AFG2A: variants seen among roughly 807,000 people sequenced by gnomAD.
The protein encoded by AFG2A is AAA ATPase AFG2A.
chr4:122,948,276 TGCCATTAACG>T, the AFG2A span, among the ~76,000 whole-genome samples: 1 of 151,954 alleles, frequency 6.6e-6, no homozygotes. Flanking sequence ...GCAAGTACTA[TGCCATTAACG>T]GGCTTGAGCA....
At chr4:123,103,151 A>G in the AFG2A span, among the ~76,000 whole-genome samples, 1 of 152,062 alleles carries the variant, frequency 6.6e-6, no homozygotes, top group African/African-American at 2.4e-5. Context: ...TTATTTATCC[A>G]AAGAGCAGCT....
the AFG2A span, among the ~76,000 whole-genome samples, chr4:123,102,509 CTA>C: frequency 6.6e-6 from 1 of 151,862 alleles, no homozygotes; most frequent in African/African-American, 2.4e-5. Context: ...ATACTTTTAA[CTA>C]TTTTTTAATG....
At chr4:123,209,803 C>T in the AFG2A span, among the ~76,000 whole-genome samples, 1 of 151,882 alleles carries the variant, frequency 6.6e-6, no homozygotes, top group Non-Finnish European at 1.5e-5. Context: ...ATATGTATTC[C>T]CTCTCCCTCC....
At chr4:123,311,597 A>T in the AFG2A span, among the ~76,000 whole-genome samples, 2 of 137,906 alleles carry the variant, frequency 1.5e-5, no homozygotes, top group African/African-American at 5.5e-5. Context: ...ACTGCACTCC[A>T]GCCTGGTGAC....
the AFG2A span, chr4:123,256,320 T>C: frequency 1.1e-6 from 1 of 924,832 alleles, no homozygotes; most frequent in Non-Finnish European, 1.6e-6. Flanking sequence ...GTACATGACA[T>C]AGTCACTAAG....
At chr4:123,247,427 A>C in the AFG2A span, among the ~76,000 whole-genome samples, 1 of 151,936 alleles carries the variant, frequency 6.6e-6, no homozygotes, top group Non-Finnish European at 1.5e-5. Context: ...TTTAAGGGTA[A>C]TTGATCTTTT....
chr4:123,000,477 C>A, the AFG2A span, among the ~76,000 whole-genome samples: 451 of 151,494 alleles, frequency 3.0e-3, 2 homozygotes, highest in African/African-American at 9.9e-3. Context: ...GAGATACGTC[C>A]CATCAATACC....
chr4:123,101,337 G>A, the AFG2A span, among the ~76,000 whole-genome samples: 2 of 151,826 alleles, frequency 1.3e-5, no homozygotes, highest in Non-Finnish European at 2.9e-5. Context: ...AATACTATCT[G>A]GGTAAAGAAA....
At chr4:123,194,016 A>G in the AFG2A span, among the ~76,000 whole-genome samples, 20 of 152,338 alleles carry the variant, frequency 1.3e-4, no homozygotes, top group African/African-American at 3.1e-4. Flanking sequence ...GTAATAAGGA[A>G]CATGTTCTTC....
the AFG2A span, among the ~76,000 whole-genome samples, chr4:123,160,550 G>A: frequency 2.6e-5 from 4 of 152,054 alleles, no homozygotes; most frequent in Non-Finnish European, 5.9e-5. Flanking sequence ...TCTCATCTCT[G>A]CCTGTGTTTT....
At chr4:123,075,196 A>G in the AFG2A span, among the ~76,000 whole-genome samples, 2 of 151,812 alleles carry the variant, frequency 1.3e-5, no homozygotes, top group African/African-American at 2.4e-5. Flanking sequence ...CGCCCACCTT[A>G]GCCTCCCAAA....
chr4:122,951,144 G>A, the AFG2A span, among the ~76,000 whole-genome samples: 2,076 of 152,218 alleles, frequency 0.014, 48 homozygotes, highest in African/African-American at 0.047. Context: ...GATGCAATGG[G>A]GAATGTCCTT....
the AFG2A span, among the ~76,000 whole-genome samples, chr4:123,302,809 A>T: frequency 1.3e-5 from 2 of 152,220 alleles, no homozygotes; most frequent in Non-Finnish European, 2.9e-5. Flanking sequence ...ACAAGCAGGC[A>T]TGAGGAGGTA....
the AFG2A span, among the ~76,000 whole-genome samples, chr4:123,125,337 C>T: frequency 6.6e-6 from 1 of 152,160 alleles, no homozygotes; most frequent in African/African-American, 2.4e-5. Context: ...TAATTAAGAC[C>T]ATTTGCCATG....
chr4:122,948,387 T>TACAC, the AFG2A span, among the ~76,000 whole-genome samples: 13,727 of 129,470 alleles, frequency 0.11, 813 homozygotes, highest in East Asian at 0.17. Flanking sequence ...CTCCAGAGTA[T>TACAC]ACACACACAC....
chr4:123,301,539 T>A, the AFG2A span, among the ~76,000 whole-genome samples: 1 of 152,142 alleles, frequency 6.6e-6, no homozygotes, highest in Admixed American at 6.5e-5. Context: ...ATATGCTAGA[T>A]GGGAAAAAAA....
the AFG2A span, among the ~76,000 whole-genome samples, chr4:123,104,253 G>A: frequency 3.9e-5 from 6 of 152,002 alleles, no homozygotes; most frequent in African/African-American, 1.5e-4. Flanking sequence ...TGAGATCAGT[G>A]ATATTTAACA....
chr4:122,941,139 C>T, the AFG2A span, among the ~76,000 whole-genome samples: 7 of 150,784 alleles, frequency 4.6e-5, no homozygotes, highest in Non-Finnish European at 8.9e-5. Context: ...TCCATATGAA[C>T]TTTAAAGTAG....
the AFG2A span, among the ~76,000 whole-genome samples, chr4:122,988,509 C>T: frequency 1.7e-3 from 251 of 151,438 alleles, 1 homozygote; most frequent in Non-Finnish European, 2.7e-3. Flanking sequence ...AGGGATTCTC[C>T]TGCCTCAGCC....
Sources: allele counts gnomAD v4.1 joint callset (sites outside exome capture counted in the v4.1 genomes callset), GRCh38; gene constraint gnomAD v4.1.1; transcripts MANE v1.5; gene names NCBI Gene and HGNC (gene_info 2026-07-23, HGNC 2026-07-21).